Variants in METTL22 observed in about 807,000 individuals in gnomAD.
METTL22 encodes the protein methyltransferase 22, Kin17 lysine.
In METTL22, 51 loss-of-function variants were observed where a neutral mutation model predicts 48.4. The ratio of observed to expected loss-of-function variants is 1.05; its 90% CI spans 0.84 to 1.33. The LOEUF is 1.33. Ranked by LOEUF, METTL22 falls within the 40% of genes most tolerant of loss-of-function variation. The pLI, the probability that METTL22 is intolerant of heterozygous loss-of-function variation, is 0.00. For missense variants in METTL22, 678 were observed against 526.9 expected (o/e 1.29, Z -2.81); for synonymous variants, 255 against 214.1 (o/e 1.19, Z -1.67).
At chr16:8,625,821 C>G (rs1200766140) in intron 2 of METTL22, 23 bp downstream of exon 2, 1 of 1,611,206 alleles carries the variant, frequency 6.2e-7, no homozygotes, top group Non-Finnish European at 8.5e-7. Flanking sequence ...GCCCAGGTGC[C>G]CTGCGGATCC....
downstream of METTL22, among the ~76,000 whole-genome samples, chr16:8,652,635 T>G (rs1249584969): frequency 6.6e-6 from 1 of 151,498 alleles, no homozygotes; most frequent in East Asian, 1.9e-4. Context: ...CTGGGCAACA[T>G]AGTGAGACCC....
Position 8,639,147 on chromosome 16 carries a change from C to G in METTL22, c.757C>G (p.Leu253Val), listed in dbSNP as rs373273846. ...CQRNIALNSH[L>V]AATGGGIVRV... ...GCGAAACATTGCCCTCAACAGCCAC[C>G]TGGCTGCCACTGGAGGTGAGGCCCA... The change falls in exon 6 of 11, where the codon CTG becomes GTG. Residue 253 changes from leucine to valine, a missense_variant. Leu to Val is a conservative substitution (Grantham distance 32, BLOSUM62 1). Transcript: ENST00000381920. 2.5e-5 allele frequency: 40 copies of G among 1,613,936 alleles called. No individual in the cohort carries two copies. The highest frequency in any genetic ancestry group is 3.3e-4 in the Middle Eastern group (2 of 6,084).
chr16:8,629,186 C>G (rs560502101), intron 3 of METTL22, 76 bp downstream of exon 3: 118 of 1,544,108 alleles, frequency 7.6e-5, no homozygotes, highest in Non-Finnish European at 1.0e-4. Context: ...TCAGTATGAT[C>G]TGAGCGTGGA....
downstream of METTL22, among the ~76,000 whole-genome samples, chr16:8,649,873 C>T (rs1169753101): frequency 6.6e-6 from 1 of 151,998 alleles, no homozygotes; most frequent in South Asian, 2.1e-4. Context: ...CTAGTATGCA[C>T]ACGAATCACT....
intron 5 of METTL22, among the ~76,000 whole-genome samples, chr16:8,638,163 C>T (rs919737639): frequency 6.6e-6 from 1 of 151,990 alleles, no homozygotes; most frequent in African/African-American, 2.4e-5. Flanking sequence ...ACTGCTAAGC[C>T]CATCGTGTGC....
Position 8,642,589 on chromosome 16 carries a change from G to A in METTL22, c.1010+24G>A, listed in dbSNP as rs550408858. Reference sequence around the variant, plus strand: ...AGGTGAGCTTTGCGCCACGGGAACCGTGCTGACGTCCCGAGTGTCAGCGGA... The same window carrying A: ...AGGTGAGCTTTGCGCCACGGGAACCATGCTGACGTCCCGAGTGTCAGCGGA... On this transcript the variant is annotated intron_variant, in intron 9 of 10. Transcript: ENST00000381920. The A allele has an allele frequency of 5.9e-5, 95 of 1,604,184 alleles. 1 individual carries two copies. The South Asian group carries it at 8.9e-4, about 15-fold the overall frequency.
At position 8,628,832 on chromosome 16, in the gene METTL22, C is replaced by G. The variant is rs530049334; in HGVS notation, c.236C>G (p.Ser79Cys). The change falls in exon 3 of 11, where the codon TCT becomes TGT. Residue 79 changes from serine (S) to cysteine (C), a missense_variant. Transcript: ENST00000381920. ...GATGTTCACACAAAGGAGCCTCCTT[C>G]TGCTGAGACAGGCAGCACAGGGTCC... is the stretch of plus-strand genomic sequence containing the variant. ...HRDVHTKEPP[S>C]AETGSTGSPP... 1.2e-6 allele frequency: 2 copies of G among 1,614,194 alleles called. No individual in the cohort carries two copies. The highest frequency in any genetic ancestry group is 4.5e-5 in the East Asian group (2 of 44,880).
In METTL22 at chr16:8,647,010, C is replaced by G. The variant is rs2056815724; in HGVS notation, c.*867C>G. 1 of 314,434 alleles carries G rather than the reference C, an allele frequency of 3.2e-6. No homozygotes were observed. The highest frequency in any genetic ancestry group is 6.3e-6 in the Non-Finnish European group (1 of 159,500). 19.5% of individuals were successfully genotyped at this position (314,434 alleles called of 1,614,324 possible). ...CCATCTTCCTGCTACCCTTGGCCCT[C>G]CCTGCAGCCCCTTTCCCCTGCCTTG... On this transcript the variant is annotated 3_prime_UTR_variant, in exon 11 of 11. Coordinates refer to ENST00000381920, the MANE Select transcript of METTL22 (RefSeq NM_024109.4).
the METTL22 span, among the ~76,000 whole-genome samples, chr16:8,659,319 A>AG: frequency 2.8e-3 from 410 of 148,974 alleles, 1 homozygote; most frequent in African/African-American, 9.5e-3. Flanking sequence ...CAACAGAATG[A>AG]GGAAAAAAAA....
chr16:8,640,424 C>T (rs2056560537), intron 6 of METTL22, among the ~76,000 whole-genome samples: 1 of 151,756 alleles, frequency 6.6e-6, no homozygotes, highest in Admixed American at 6.6e-5. Context: ...ACTCTTAAAT[C>T]TTTATTTTCC....
At chr16:8,630,925 A>C (rs8061405) in intron 3 of METTL22, among the ~76,000 whole-genome samples, 150,368 of 152,294 alleles carry the variant, frequency 0.99, 74,271 homozygotes, top group Middle Eastern at 1. Flanking sequence ...CTAATCCTGC[A>C]GGGCTGGATT....
intron 1 of METTL22, among the ~76,000 whole-genome samples, chr16:8,622,955 T>G (rs980693170): frequency 6.6e-6 from 1 of 152,210 alleles, no homozygotes; most frequent in Non-Finnish European, 1.5e-5. Context: ...TGGTGTGTAA[T>G]ATTATGCTCA....
chr16:8,644,487 G>C, intron 9 of METTL22, 70 bp from the exon 10 acceptor site: 2 of 1,457,210 alleles, frequency 1.4e-6, no homozygotes, highest in South Asian at 1.4e-5. Flanking sequence ...AGGAAAGCAA[G>C]GTGGGCAGAA....
intron 6 of METTL22, chr16:8,639,435 G>C: frequency 5.8e-6 from 3 of 519,864 alleles, no homozygotes; most frequent in Non-Finnish European, 1.0e-5. Flanking sequence ...GGTCTCCCCA[G>C]CTCCTTAGTT....
chr16:8,628,139 C>T (rs7186865), intron 2 of METTL22, among the ~76,000 whole-genome samples: 1,905 of 152,298 alleles, frequency 0.013, 46 homozygotes, highest in African/African-American at 0.044. Context: ...TACTATATTC[C>T]TGGTAATTAA....
At chr16:8,644,995 C>G (rs2141816928) in intron 10 of METTL22, 2 of 283,268 alleles carry the variant, frequency 7.1e-6, no homozygotes, top group East Asian at 1.3e-4. Context: ...ACAGTTCAGA[C>G]TCCAGAGGAG....
intron 1 of METTL22, among the ~76,000 whole-genome samples, chr16:8,623,313 A>G (rs1338482424): frequency 3.7e-5 from 5 of 134,776 alleles, no homozygotes; most frequent in East Asian, 2.0e-4. Flanking sequence ...TCTGTCTCAG[A>G]AAAAAAAAAA....
At chr16:8,660,499 C>T in the METTL22 span, among the ~76,000 whole-genome samples, 6 of 151,846 alleles carry the variant, frequency 4.0e-5, no homozygotes, top group Non-Finnish European at 8.8e-5. Flanking sequence ...ATTTTATCTC[C>T]TCATTTTTCC....
At chr16:8,657,773 C>G in the METTL22 span, among the ~76,000 whole-genome samples, 2 of 150,486 alleles carry the variant, frequency 1.3e-5, no homozygotes, top group Admixed American at 6.6e-5. Context: ...GGATTTAGGG[C>G]GGGTCCTAAA....
Sources: allele counts gnomAD v4.1 joint callset (sites outside exome capture counted in the v4.1 genomes callset), GRCh38; gene constraint gnomAD v4.1.1; transcripts MANE v1.5; gene names NCBI Gene and HGNC (gene_info 2026-07-23, HGNC 2026-07-21).